The following ACBD6 variants were observed in gnomAD, a reference collection of about 807,000 sequenced individuals.
ACBD6 encodes the protein acyl-CoA binding domain containing 6, also known as acyl-CoA-binding domain-containing protein 6.
Under a neutral mutation model 37.2 loss-of-function variants are expected in ACBD6, and 28 were observed. The observed-to-expected ratio is 0.75, with a 90% CI of 0.56 to 1.03. The LOEUF is 1.03. ACBD6 is among the 50% of genes least tolerant of loss of function. The pLI, the probability that ACBD6 is intolerant of heterozygous loss-of-function variation, is 0.00. For missense variants in ACBD6, 340 were observed against 337.4 expected, an observed-to-expected ratio of 1.01 and a Z score of -0.06; for synonymous variants, 113 against 126.8, an observed-to-expected ratio of 0.89 and a Z score of 0.73.
chr1:180,452,228 T>G (rs914324432), intron 3 of ACBD6, among the ~76,000 whole-genome samples: 2 of 152,072 alleles, frequency 1.3e-5, no homozygotes, highest in African/African-American at 2.4e-5. Flanking sequence ...TCCCAGCACT[T>G]TGGGAGGCTG....
At position 180,461,830 on chromosome 1, in the gene ACBD6, A is replaced by T. The variant is rs146449981; in HGVS notation, c.384+30439T>A. ...ACCAGCCACTACAAAAACACACTGA[A>T]GTACACAGACCAGTGACACTACGAA... On this transcript the variant is annotated intron_variant, in intron 3 of 7. Transcript: ENST00000367595. 5.5e-3 allele frequency among the ~76,000 whole-genome samples: 831 copies of T among 152,294 alleles called. 6 individuals are homozygous for T. The highest frequency in any genetic ancestry group is 0.019 in the African/African-American group (786 of 41,560).
At chr1:180,399,971 A>G (rs1647282969) in intron 5 of ACBD6, among the ~76,000 whole-genome samples, 1 of 152,252 alleles carries the variant, frequency 6.6e-6, no homozygotes, top group African/African-American at 2.4e-5. Flanking sequence ...ATAGTTAAGT[A>G]GGACAACATA....
At chr1:180,430,397 A>C (rs1488656834) in intron 3 of ACBD6, 135 bp from the exon 4 acceptor site, 1 of 757,218 alleles carries the variant, frequency 1.3e-6, no homozygotes, top group East Asian at 2.7e-5. Flanking sequence ...AACCCTAGTA[A>C]AACTTTTAAG....
intron 7 of ACBD6, among the ~76,000 whole-genome samples, chr1:180,308,294 A>G (rs1283148297): frequency 6.6e-6 from 1 of 152,156 alleles, no homozygotes; most frequent in Non-Finnish European, 1.5e-5. Context: ...TCAAAGTCTA[A>G]TACTGTAGTT....
At position 180,380,183 on chromosome 1, in the gene ACBD6, C is replaced by T. The variant is rs145204063; in HGVS notation, c.663+17333G>A. On this transcript the variant is annotated intron_variant, in intron 6 of 7. Transcript: ENST00000367595. ...GGCTGAGGCAAGAAGATTGCTTGAG[C>T]CCGGGAAATCATGGCTGCAGTGAGC... Among the ~76,000 whole-genome samples the T allele has an allele frequency of 5.7e-3, 873 of 152,234 alleles. 10 individuals carry two copies. The highest frequency in any genetic ancestry group is 0.02 in the African/African-American group (829 of 41,520).
At chr1:180,279,544 C>A (rs141384112) in intron 9 of ACBD6, among the ~76,000 whole-genome samples, 1 of 152,186 alleles carries the variant, frequency 6.6e-6, no homozygotes, top group African/African-American at 2.4e-5. Flanking sequence ...GTGATCCGCC[C>A]ACCTGGGCCT....
At chr1:180,334,027 C>T (rs916344936) in intron 6 of ACBD6, among the ~76,000 whole-genome samples, 2 of 152,230 alleles carry the variant, frequency 1.3e-5, no homozygotes, top group Non-Finnish European at 2.9e-5. Flanking sequence ...GAAGCTCCAA[C>T]TGGGTGGAGC....
At chr1:180,408,737 T>C (rs533758491) in intron 5 of ACBD6, among the ~76,000 whole-genome samples, 4 of 151,862 alleles carry the variant, frequency 2.6e-5, no homozygotes, top group East Asian at 3.9e-4. Flanking sequence ...AGAGGGAAGA[T>C]GAGTAAAACA....
chr1:180,323,019 T>C (rs993057938), intron 6 of ACBD6, among the ~76,000 whole-genome samples: 1 of 151,964 alleles, frequency 6.6e-6, no homozygotes, highest in Non-Finnish European at 1.5e-5. Flanking sequence ...CTCTTGGTAC[T>C]GCTTTCACTG....
At chr1:180,357,755 T>C (rs112809421) in intron 6 of ACBD6, among the ~76,000 whole-genome samples, 2 of 152,132 alleles carry the variant, frequency 1.3e-5, no homozygotes. Context: ...TCTCAGTATA[T>C]GAAAGAAGGA....
intron 6 of ACBD6, among the ~76,000 whole-genome samples, chr1:180,319,271 T>C (rs1650959324): frequency 6.6e-6 from 1 of 152,264 alleles, no homozygotes; most frequent in Non-Finnish European, 1.5e-5. Flanking sequence ...GTCTTGCATA[T>C]ACTGTGTGCT....
intron 6 of ACBD6, among the ~76,000 whole-genome samples, chr1:180,326,079 A>C (rs1485623145): frequency 6.6e-6 from 1 of 152,158 alleles, no homozygotes; most frequent in Non-Finnish European, 1.5e-5. Flanking sequence ...CAGGTGGGGA[A>C]GCCAGCCAGG....
intron 6 of ACBD6, among the ~76,000 whole-genome samples, chr1:180,388,175 C>CAAAAA (rs34156282): frequency 9.0e-6 from 1 of 111,182 alleles, no homozygotes; most frequent in South Asian, 2.9e-4. Context: ...GACTCCGTCT[C>CAAAAA]AAAAAAAAAA....
chr1:180,455,389 G>C (rs989374440), intron 3 of ACBD6, among the ~76,000 whole-genome samples: 1 of 151,914 alleles, frequency 6.6e-6, no homozygotes, highest in South Asian at 2.1e-4. Context: ...GGGACAGGGG[G>C]AGGGATAGCA....
intron 3 of ACBD6, among the ~76,000 whole-genome samples, chr1:180,457,980 G>A (rs1163242242): frequency 1.3e-5 from 2 of 151,892 alleles, no homozygotes; most frequent in South Asian, 2.1e-4. Flanking sequence ...TTTTTTAGTA[G>A]AGACAGGATT....
chr1:180,330,353 G>A (rs1651431099), intron 6 of ACBD6, among the ~76,000 whole-genome samples: 1 of 151,660 alleles, frequency 6.6e-6, no homozygotes, highest in South Asian at 2.1e-4. Flanking sequence ...CCAGGAGACT[G>A]AGGCTGTGGT....
chr1:180,403,621 G>C (rs1016891558), intron 5 of ACBD6, among the ~76,000 whole-genome samples: 2 of 152,064 alleles, frequency 1.3e-5, no homozygotes, highest in East Asian at 1.9e-4. Context: ...ACAAAAATTT[G>C]TACACCTATG....
downstream of ACBD6, among the ~76,000 whole-genome samples, chr1:180,287,556 G>A (rs1649544572): frequency 1.4e-5 from 2 of 138,372 alleles, no homozygotes; most frequent in Non-Finnish European, 3.1e-5. Context: ...GACCCAAAGA[G>A]ACCTAACAGT....
At chr1:180,421,212 T>C (rs1335485945) in intron 4 of ACBD6, among the ~76,000 whole-genome samples, 2 of 152,186 alleles carry the variant, frequency 1.3e-5, no homozygotes, top group South Asian at 2.1e-4. Flanking sequence ...TTTCCCTCCA[T>C]GTGTCCATGT....
Sources: allele counts gnomAD v4.1 joint callset (sites outside exome capture counted in the v4.1 genomes callset), GRCh38; gene constraint gnomAD v4.1.1; transcripts MANE v1.5; gene names NCBI Gene and HGNC (gene_info 2026-07-23, HGNC 2026-07-21).